The following CACNA1C variants were observed in gnomAD, a reference collection of about 807,000 sequenced individuals.
The protein encoded by CACNA1C is calcium voltage-gated channel subunit alpha1 C.
Under a neutral mutation model 229.0 loss-of-function variants are expected in CACNA1C, and 30 were observed. That is an observed-to-expected ratio of 0.13 (90% CI 0.10 to 0.18). The LOEUF (loss-of-function observed/expected upper bound fraction) is 0.18. Ranked by LOEUF, CACNA1C falls within the 10% of genes least tolerant of loss-of-function variation. CACNA1C has a pLI of 1.00. For synonymous variants in CACNA1C, 1,114 were observed against 1,132.5 expected, an observed-to-expected ratio of 0.98 and a Z score of 0.33; for missense variants, 1,658 against 2,845.0, an observed-to-expected ratio of 0.58 and a Z score of 9.49.
chr12:2,252,668 T>C (rs1403802523), intron 3 of CACNA1C, among the ~76,000 whole-genome samples: 1 of 152,190 alleles, frequency 6.6e-6, no homozygotes, highest in Non-Finnish European at 1.5e-5. Context: ...AGGTTCTATG[T>C]AGAGCAAATT....
rs560739907 is a variant in CACNA1C, at chr12:2,329,790, G to A, written c.478-119186G>A. On this transcript the variant is annotated intron_variant, in intron 3 of 46. Coordinates refer to ENST00000399655, the MANE Select transcript of CACNA1C (RefSeq NM_000719.7). ...GACAAAAAACAAGTGGCAGCTGGGC[G>A]GCTGTGACTTCACTCTCATAGTCCT... Among the ~76,000 whole-genome samples, 21 of 152,260 alleles carry A rather than the reference G, an allele frequency of 1.4e-4. No homozygotes were observed. The South Asian group carries it at 2.5e-3, about 18-fold the overall frequency.
chr12:2,408,965 T>G (rs2098772635), intron 3 of CACNA1C, among the ~76,000 whole-genome samples: 1 of 152,224 alleles, frequency 6.6e-6, no homozygotes, highest in Non-Finnish European at 1.5e-5. Context: ...ATATCTCTTT[T>G]GCCCAATGTT....
chr12:2,167,294 T>C (rs534328499), intron 3 of CACNA1C, among the ~76,000 whole-genome samples: 14 of 152,302 alleles, frequency 9.2e-5, no homozygotes, highest in African/African-American at 3.1e-4. Flanking sequence ...GGGAAAGGCA[T>C]GGATGACAGA....
chr12:2,384,972 A>AG (rs1211765476), intron 3 of CACNA1C, among the ~76,000 whole-genome samples: 1 of 152,202 alleles, frequency 6.6e-6, no homozygotes. Flanking sequence ...GGTCAGCCTC[A>AG]GGGAGGGGAG....
chr12:1,994,200 G>A (rs142051121), intron 1 of CACNA1C, among the ~76,000 whole-genome samples: 5 of 152,288 alleles, frequency 3.3e-5, no homozygotes, highest in East Asian at 1.9e-4. Context: ...ATTCAACTGC[G>A]CAACTTCCGG....
intron 3 of CACNA1C, among the ~76,000 whole-genome samples, chr12:2,208,467 GC>G (rs780847734): frequency 4.1e-4 from 62 of 152,286 alleles, no homozygotes; most frequent in Non-Finnish European, 7.2e-4. Context: ...ACCTGGCACT[GC>G]AGTGCCCGTT....
chr12:2,542,314 C>T lies in CACNA1C; in HGVS notation c.1391-7629C>T, dbSNP rs537144851. Among the ~76,000 whole-genome samples the T allele has an allele frequency of 3.0e-4, 46 of 152,314 alleles. 1 individual carries two copies. In the South Asian group the frequency reaches 5.4e-3, roughly 18 times the overall value. On this transcript the variant is annotated intron_variant, in intron 9 of 46. Coordinates refer to ENST00000399655, the MANE Select transcript of CACNA1C (RefSeq NM_000719.7). ...TTTAAGGAGAACATGAGTGTTCACA[C>T]GCTGACACAGCCTGCGGCAGATTCA...
At chr12:2,298,469 T>C (rs1167014426) in intron 3 of CACNA1C, among the ~76,000 whole-genome samples, 1 of 152,172 alleles carries the variant, frequency 6.6e-6, no homozygotes, top group Non-Finnish European at 1.5e-5. Flanking sequence ...CAGCTAATTT[T>C]TGTATTTTTA....
chr12:2,652,107 T>G (rs1295689047), intron 32 of CACNA1C, among the ~76,000 whole-genome samples: 1 of 152,204 alleles, frequency 6.6e-6, no homozygotes, highest in African/African-American at 2.4e-5. Context: ...GGAACAAACC[T>G]GAAAAACACG....
At chr12:2,621,513 C>T (rs1047857631) in intron 29 of CACNA1C, among the ~76,000 whole-genome samples, 17 of 152,130 alleles carry the variant, frequency 1.1e-4, no homozygotes, top group Admixed American at 6.5e-5. Context: ...CCTTGGAAAC[C>T]GCAGGGATGG....
intron 1 of CACNA1C, among the ~76,000 whole-genome samples, chr12:2,075,894 G>A (rs2063023141): frequency 6.6e-6 from 1 of 152,208 alleles, no homozygotes; most frequent in African/African-American, 2.4e-5. Flanking sequence ...GGTATAAACA[G>A]GGGTTGGTAT....
In CACNA1C at chr12:2,450,370, C is replaced by G. The variant is rs1971669; in HGVS notation, c.617+1255C>G. On this transcript the variant is annotated intron_variant, in intron 4 of 46. Transcript: ENST00000399655. ...GAGATCGAGACCATCCTGGCTAACACGGTGAAACCCCGTCTCTACTAAAAA... is the reference window on the plus strand; with the variant it reads ...GAGATCGAGACCATCCTGGCTAACAGGGTGAAACCCCGTCTCTACTAAAAA... Among the ~76,000 whole-genome samples, 6 of 151,010 alleles carry G rather than the reference C, an allele frequency of 4.0e-5. No homozygotes were observed. The South Asian group carries it at 8.4e-4, about 21-fold the overall frequency.
chr12:2,255,370 CG>C (rs2077043963), intron 3 of CACNA1C, among the ~76,000 whole-genome samples: 1 of 151,950 alleles, frequency 6.6e-6, no homozygotes, highest in African/African-American at 2.4e-5. Flanking sequence ...TGGGGTCATT[CG>C]GGGTGTGACA....
chr12:2,278,000 C>T lies in CACNA1C; in HGVS notation c.477+157570C>T, dbSNP rs1473715226. ...GCACAGACTGAGGCTGGCCAGGCCACCCATGCTGGGTGCTGACAGGCCTCA... is the reference window on the plus strand; with the variant it reads ...GCACAGACTGAGGCTGGCCAGGCCATCCATGCTGGGTGCTGACAGGCCTCA... On this transcript the variant is annotated intron_variant, in intron 3 of 46. Coordinates refer to ENST00000399655, the MANE Select transcript of CACNA1C (RefSeq NM_000719.7). 2.6e-5 allele frequency among the ~76,000 whole-genome samples: 4 copies of T among 152,196 alleles called. No individual in the cohort carries two copies. The East Asian group carries it at 5.8e-4, about 22-fold the overall frequency.
chr12:2,470,744 C>A (rs572078644), intron 5 of CACNA1C, among the ~76,000 whole-genome samples: 2 of 152,306 alleles, frequency 1.3e-5, no homozygotes, highest in African/African-American at 4.8e-5. Flanking sequence ...AAGCACTCAG[C>A]AAATACTAGC....
chr12:2,072,080 G>T (rs2154524529), intron 1 of CACNA1C, among the ~76,000 whole-genome samples: 1 of 152,070 alleles, frequency 6.6e-6, no homozygotes. Flanking sequence ...ATATACCTCT[G>T]CTTGGCTTGT....
In CACNA1C at chr12:2,689,282, TC is replaced by T. The variant is rs1182810041; in HGVS notation, c.6117+506del. On this transcript the variant is annotated intron_variant, in intron 46 of 46. Coordinates refer to ENST00000399655, the MANE Select transcript of CACNA1C (RefSeq NM_000719.7). The surrounding 1 kb of genome is among the most constrained non-coding windows in gnomAD (Gnocchi z 4.2). ...TGCCTGGTCAGAGCATCTAGTGCAA[TC>T]CCGGCACCACATTATTAGGGACCTT... Among the ~76,000 whole-genome samples, 2 of 152,086 alleles carry T rather than the reference TC, an allele frequency of 1.3e-5. No individual in the cohort carries two copies. The highest frequency in any genetic ancestry group is 2.9e-5 in the Non-Finnish European group (2 of 68,026).
chr12:2,339,354 G>A lies in CACNA1C; in HGVS notation c.478-109622G>A, dbSNP rs578160134. On this transcript the variant is annotated intron_variant, in intron 3 of 46. Transcript: ENST00000399655. The stretch of plus-strand genomic sequence containing the variant: ...AGCTTGCAGGACTGGAAGTTGCTCT[G>A]TGTGAGTCATGAGTGAGTGGACATG... Among the ~76,000 whole-genome samples, 14 of 152,382 alleles carry A rather than the reference G, an allele frequency of 9.2e-5. No homozygotes were observed. In the East Asian group the frequency reaches 2.5e-3, roughly 27 times the overall value.
rs368983908 is a variant in CACNA1C, at chr12:2,502,080, T to G, written c.1114-2762T>G. 2.6e-5 allele frequency among the ~76,000 whole-genome samples: 4 copies of G among 152,326 alleles called. No individual in the cohort carries two copies. The South Asian group carries it at 8.3e-4, about 32-fold the overall frequency. ...ACACAGGCCTGCTGAGCCTGGCCCT[T>G]GCCCCCCTCAGCCTCACGCAGACAC... On this transcript the variant is annotated intron_variant, in intron 7 of 46. Coordinates refer to ENST00000399655, the MANE Select transcript of CACNA1C (RefSeq NM_000719.7).
Sources: gnomAD v4.1 joint callset for allele counts (sites outside exome capture counted in the v4.1 genomes callset) on GRCh38, gnomAD v4.1.1 for gene constraint, Gnocchi (gnomAD v3.1) non-coding constraint, MANE v1.5 for transcripts, NCBI Gene and HGNC (gene_info 2026-07-23, HGNC 2026-07-21) for gene names.